Variants in LAPTM4B observed in about 807,000 individuals in gnomAD.
LAPTM4B encodes lysosomal-associated transmembrane protein 4B.
Under a neutral mutation model 28.5 loss-of-function variants are expected in LAPTM4B, and 26 were observed. That is an observed-to-expected ratio of 0.91 (90% CI 0.67 to 1.27). LAPTM4B has a LOEUF of 1.27. Among genes scored for constraint, LAPTM4B ranks in the 50% most tolerant of loss-of-function variants. The probability of loss-of-function intolerance (pLI) is 0.00; values close to 1 mark genes in which losing one functional copy is unlikely to be tolerated. For synonymous variants in LAPTM4B, 109 were observed against 106.4 expected (o/e 1.02, Z -0.15); for missense variants, 288 against 285.8 (o/e 1.01, Z -0.06).
intron 6 of LAPTM4B, among the ~76,000 whole-genome samples, chr8:97,832,776 G>A (rs1016190247): frequency 2.7e-5 from 4 of 149,124 alleles, no homozygotes; most frequent in African/African-American, 4.9e-5. Flanking sequence ...GCGCGATCTT[G>A]GCTCACTGCA....
chr8:97,782,225 C>T (rs1816332359), intron 1 of LAPTM4B, among the ~76,000 whole-genome samples: 1 of 149,078 alleles, frequency 6.7e-6, no homozygotes, highest in Non-Finnish European at 1.5e-5. Flanking sequence ...TGGTGATCTG[C>T]TCCCCTCAGC....
chr8:97,783,068 C>T (rs1816347531), intron 1 of LAPTM4B, among the ~76,000 whole-genome samples: 2 of 123,418 alleles, frequency 1.6e-5, no homozygotes, highest in African/African-American at 3.4e-5. Flanking sequence ...CCACCGCGCC[C>T]GGCCTTTTTT....
rs1049736759 is a variant in LAPTM4B, at chr8:97,852,716, G to A, written c.*1242G>A. 1.9e-4 allele frequency: 32 copies of A among 166,168 alleles called. 1 individual carries two copies. Among genetic ancestry groups the A allele is most frequent in the Admixed American group, 7.3e-4 (10 of 13,660 alleles). 10.3% of individuals were successfully genotyped at this position (166,168 alleles called of 1,614,324 possible). A position where few individuals can be genotyped will look rare whatever the true frequency, so the allele number is the denominator to read the frequency against. On this transcript the variant is annotated 3_prime_UTR_variant, in exon 7 of 7. Transcript: ENST00000521545. ...GGCTTTTTTTTGGGGGGGGGAGGTCGGGTGGGGGGGATTTTTAATCTTTTA... is the reference window on the plus strand; with the variant it reads ...GGCTTTTTTTTGGGGGGGGGAGGTCAGGTGGGGGGGATTTTTAATCTTTTA...
chr8:97,839,555 C>A (rs561807406), intron 6 of LAPTM4B, among the ~76,000 whole-genome samples: 2 of 152,158 alleles, frequency 1.3e-5, no homozygotes, highest in Non-Finnish European at 2.9e-5. Context: ...ATATAACTTT[C>A]CAGTTGTTTC....
At chr8:97,842,352 AC>A (rs769796286) in intron 6 of LAPTM4B, among the ~76,000 whole-genome samples, 38 of 152,118 alleles carry the variant, frequency 2.5e-4, no homozygotes, top group Non-Finnish European at 3.5e-4. Flanking sequence ...CCCCAGCCTT[AC>A]TAGAAATTTA....
chr8:97,797,186 G>T (rs1226608584), intron 1 of LAPTM4B, among the ~76,000 whole-genome samples: 1 of 151,090 alleles, frequency 6.6e-6, no homozygotes, highest in Non-Finnish European at 1.5e-5. Flanking sequence ...GCAGGCTGGA[G>T]TGCAACGGTG....
At chr8:97,821,921 A>C (rs1817009840) in intron 5 of LAPTM4B, among the ~76,000 whole-genome samples, 1 of 152,228 alleles carries the variant, frequency 6.6e-6, no homozygotes, top group South Asian at 2.1e-4. Flanking sequence ...AAATAAAAAA[A>C]TAAAAACAAA....
chr8:97,839,546 T>C (rs1367728402), intron 6 of LAPTM4B, among the ~76,000 whole-genome samples: 2 of 152,168 alleles, frequency 1.3e-5, no homozygotes, highest in Non-Finnish European at 2.9e-5. Flanking sequence ...CTCCGAGCCA[T>C]ATAACTTTCC....
chr8:97,837,603 G>C lies in LAPTM4B; in HGVS notation c.603+12450G>C, dbSNP rs149424657. On this transcript the variant is annotated intron_variant, in intron 6 of 6. Coordinates refer to ENST00000521545, the MANE Select transcript of LAPTM4B (RefSeq NM_018407.6). Reference sequence around the variant, plus strand: ...AACTTTCCAAAATGGTTTGAAGAAGGCTTTGCCTAAGCGTAGTTACTAGGT... The same window carrying C: ...AACTTTCCAAAATGGTTTGAAGAAGCCTTTGCCTAAGCGTAGTTACTAGGT... Among the ~76,000 whole-genome samples, 1,211 of 152,178 alleles carry C rather than the reference G, an allele frequency of 8.0e-3. 15 individuals carry two copies. The highest frequency in any genetic ancestry group is 0.027 in the African/African-American group (1,123 of 41,516).
intron 2 of LAPTM4B, among the ~76,000 whole-genome samples, chr8:97,810,391 TTAAC>T (rs150362855): frequency 0.45 from 68,198 of 151,600 alleles, 15,748 homozygotes; most frequent in East Asian, 0.57. Context: ...TACAGTTTAA[TTAAC>T]AGTGTTGTAC....
Position 97,776,024 on chromosome 8 carries a change from G to T in LAPTM4B, c.15G>T (p.Ala5=). 6.3e-7 allele frequency: 1 copy of T among 1,579,584 alleles called. No individual in the cohort carries two copies. The stretch of plus-strand genomic sequence containing the variant: ...CGCCCGGAGCGATGAAGATGGTCGC[G>T]CCCTGGACGCGGTTCTACTCCAACA... MKMV[A]PWTRFYSNSC... The change falls in exon 1 of 7, where the codon GCG becomes GCT. Residue 5 remains alanine (A), a synonymous_variant. Coordinates refer to ENST00000521545, the MANE Select transcript of LAPTM4B (RefSeq NM_018407.6).
chr8:97,811,707 G>A (rs747119839), intron 2 of LAPTM4B, among the ~76,000 whole-genome samples: 43 of 152,130 alleles, frequency 2.8e-4, no homozygotes, highest in East Asian at 1.2e-3. Context: ...ACAGCTTGCC[G>A]GCTTGTGCAT....
chr8:97,788,033 C>T lies in LAPTM4B; in HGVS notation c.99+11925C>T, dbSNP rs144033442. On this transcript the variant is annotated intron_variant, in intron 1 of 6. Transcript: ENST00000521545. ...ATTTCTTTTTTAAAATAAAAGGTCT[C>T]ATATTTATGACCGAACCCAGCCAAC... Among the ~76,000 whole-genome samples the T allele has an allele frequency of 6.8e-3, 1,042 of 152,204 alleles. 3 individuals are homozygous for T. The highest frequency in any genetic ancestry group is 0.014 in the Middle Eastern group (4 of 294).
At chr8:97,777,540 C>A (rs1816243532) in intron 1 of LAPTM4B, among the ~76,000 whole-genome samples, 1 of 151,982 alleles carries the variant, frequency 6.6e-6, no homozygotes, top group Non-Finnish European at 1.5e-5. Context: ...GACTTTTTGT[C>A]TAACTGTGAA....
At chr8:97,805,781 A>G (rs1816749704) in intron 2 of LAPTM4B, among the ~76,000 whole-genome samples, 1 of 152,154 alleles carries the variant, frequency 6.6e-6, no homozygotes, top group South Asian at 2.1e-4. Flanking sequence ...GCTTGTGCTT[A>G]TCTCCTTGTG....
intron 2 of LAPTM4B, among the ~76,000 whole-genome samples, chr8:97,813,919 AAAC>A (rs1464473807): frequency 1.3e-5 from 2 of 152,234 alleles, no homozygotes; most frequent in African/African-American, 4.8e-5. Context: ...CAGTTTAAAA[AAAC>A]CAATAGTTTG....
chr8:97,790,457 A>AC (rs1816481234), intron 1 of LAPTM4B, among the ~76,000 whole-genome samples: 1 of 151,478 alleles, frequency 6.6e-6, no homozygotes, highest in African/African-American at 2.4e-5. Flanking sequence ...GACTAAAGGC[A>AC]CATACCACCA....
At chr8:97,813,718 T>C (rs1816862055) in intron 2 of LAPTM4B, among the ~76,000 whole-genome samples, 2 of 152,208 alleles carry the variant, frequency 1.3e-5, no homozygotes, top group African/African-American at 4.8e-5. Context: ...TTATTGTTGT[T>C]GTTTACATTT....
In LAPTM4B at chr8:97,817,722, A is replaced by C. The variant is rs904049672; in HGVS notation, c.409-1418A>C. Among the ~76,000 whole-genome samples, 3 of 150,806 alleles carry C rather than the reference A, an allele frequency of 2.0e-5. No individual in the cohort carries two copies. In the South Asian group the frequency reaches 6.3e-4, roughly 32 times the overall value. On this transcript the variant is annotated intron_variant, in intron 4 of 6. Coordinates refer to ENST00000521545, the MANE Select transcript of LAPTM4B (RefSeq NM_018407.6). The stretch of plus-strand genomic sequence containing the variant: ...TCATCGGCCTCCCAGAGTGCTAGGA[A>C]TACAGGCGCCCACTACCATGCCTGG...
Sources: gnomAD v4.1 joint callset for allele counts (sites outside exome capture counted in the v4.1 genomes callset) on GRCh38, gnomAD v4.1.1 for gene constraint, MANE v1.5 for transcripts, NCBI Gene and HGNC (gene_info 2026-07-23, HGNC 2026-07-21) for gene names.